CSMD2: variants seen among roughly 807,000 people sequenced by gnomAD.
CSMD2 encodes CUB and Sushi multiple domains 2, also known as CUB and sushi domain-containing protein 2.
In CSMD2, 130 loss-of-function variants were observed where a neutral mutation model predicts 398.5. That is an observed-to-expected ratio of 0.33 (90% CI 0.28 to 0.38). CSMD2 has a LOEUF of 0.38. Among genes scored for constraint, CSMD2 ranks in the 10% least tolerant of loss-of-function variants. The probability of loss-of-function intolerance (pLI) is 1.00; values close to 1 mark genes in which losing one functional copy is unlikely to be tolerated. For missense variants in CSMD2, 3,829 were observed against 4,764.9 expected, an observed-to-expected ratio of 0.80 and a Z score of 5.78; for synonymous variants, 1,828 against 1,908.5, an observed-to-expected ratio of 0.96 and a Z score of 1.10.
At chr1:33,938,216 T>C (rs779627856) in intron 3 of CSMD2, among the ~76,000 whole-genome samples, 2 of 152,250 alleles carry the variant, frequency 1.3e-5, no homozygotes, top group Non-Finnish European at 2.9e-5. Flanking sequence ...GCCCTGTCCA[T>C]TGGCCCAGCT....
chr1:33,977,411 G>A (rs923027041), intron 3 of CSMD2, among the ~76,000 whole-genome samples: 2 of 152,026 alleles, frequency 1.3e-5, no homozygotes, highest in South Asian at 4.2e-4. Flanking sequence ...GTGGGAGCAG[G>A]AGATTCAACC....
intron 3 of CSMD2, among the ~76,000 whole-genome samples, chr1:33,957,954 T>C (rs1202642635): frequency 2.1e-5 from 3 of 140,466 alleles, no homozygotes; most frequent in African/African-American, 5.4e-5. Context: ...TGTGTGTGTG[T>C]GTGCACGCAC....
chr1:33,798,702 G>A (rs1655243708), intron 10 of CSMD2, among the ~76,000 whole-genome samples: 1 of 152,338 alleles, frequency 6.6e-6, no homozygotes, highest in Middle Eastern at 3.4e-3. Context: ...AGAGAGACCA[G>A]TGGAGGCTGA....
intron 4 of CSMD2, 53 bp downstream of exon 4, chr1:33,935,707 C>T (rs1644457765): frequency 1.3e-6 from 2 of 1,517,640 alleles, no homozygotes; most frequent in Admixed American, 4.1e-5. Context: ...GAAGCTCCAG[C>T]ATCACCTCCC....
intron 13 of CSMD2, among the ~76,000 whole-genome samples, chr1:33,766,814 A>G (rs1650563884): frequency 1.3e-5 from 2 of 152,266 alleles, no homozygotes; most frequent in Admixed American, 6.5e-5. Flanking sequence ...AAGTGAAAGT[A>G]GATAAACATG....
At chr1:33,922,592 A>G (rs1005920928) in intron 4 of CSMD2, among the ~76,000 whole-genome samples, 2 of 152,066 alleles carry the variant, frequency 1.3e-5, no homozygotes, top group South Asian at 4.2e-4. Context: ...CTCAAACCCA[A>G]CCCAACCAAA....
In CSMD2 at chr1:33,903,771, C is replaced by CTGA. The variant is rs750458150; in HGVS notation, c.920+14320_920+14322dup. The stretch of plus-strand genomic sequence containing the variant: ...AATGTTTAAAATAAAACAAGATCCT[C>CTGA]TGATAGACAGCAAGGGTTACTTTAG... On this transcript the variant is annotated intron_variant, in intron 5 of 70. Coordinates refer to ENST00000373381, the MANE Select transcript of CSMD2 (RefSeq NM_001281956.2). Among the ~76,000 whole-genome samples, 15 of 152,310 alleles carry CTGA rather than the reference C, an allele frequency of 9.8e-5. No individual in the cohort carries two copies. The South Asian group carries it at 1.0e-3, about 11-fold the overall frequency.
At chr1:33,927,216 A>C (rs563864679) in intron 4 of CSMD2, among the ~76,000 whole-genome samples, 1 of 152,306 alleles carries the variant, frequency 6.6e-6, no homozygotes, top group African/African-American at 2.4e-5. Flanking sequence ...AACTTGCTCA[A>C]CTTCTTCAGT....
intron 46 of CSMD2, 78 bp downstream of exon 46, chr1:33,586,426 A>G: frequency 1.1e-6 from 1 of 914,542 alleles, no homozygotes; most frequent in South Asian, 1.3e-5. Context: ...AGAACTGGGA[A>G]TAGAAAGAGG....
In CSMD2 at chr1:33,771,921, C is replaced by T. The variant is rs12081828; in HGVS notation, c.1846+648G>A. 4.4e-4 allele frequency among the ~76,000 whole-genome samples: 67 copies of T among 152,242 alleles called. 1 individual carries two copies. In the Middle Eastern group the frequency reaches 0.014, roughly 31 times the overall value. On this transcript the variant is annotated intron_variant, in intron 13 of 70. Transcript: ENST00000373381. The stretch of plus-strand genomic sequence containing the variant: ...AGCCCCTCATCCTTGCCAATCCCAA[C>T]GCGACTGAAGATTTAAGATATCATT...
At chr1:33,541,520 G>A (rs901237936) in intron 58 of CSMD2, among the ~76,000 whole-genome samples, 19 of 152,186 alleles carry the variant, frequency 1.2e-4, no homozygotes, top group Admixed American at 2.6e-4. Context: ...AGGCTGGAGT[G>A]CAGAGGCACA....
At chr1:34,011,036 T>G (rs1647270679) in intron 3 of CSMD2, among the ~76,000 whole-genome samples, 1 of 152,136 alleles carries the variant, frequency 6.6e-6, no homozygotes, top group Non-Finnish European at 1.5e-5. Flanking sequence ...TCACCTTAAG[T>G]CTGGCTTGGA....
chr1:34,012,801 A>G (rs1647541277), intron 3 of CSMD2, among the ~76,000 whole-genome samples: 1 of 152,204 alleles, frequency 6.6e-6, no homozygotes, highest in Non-Finnish European at 1.5e-5. Context: ...TGAATAAAAG[A>G]TTATCCTTCA....
upstream of CSMD2, chr1:34,165,841 G>C: frequency 4.4e-6 from 7 of 1,603,216 alleles, no homozygotes; most frequent in Non-Finnish European, 6.0e-6. Context: ...CCCATCCCAG[G>C]AGAGGGGCGT....
At chr1:33,754,737 T>C (rs530927720) in intron 13 of CSMD2, among the ~76,000 whole-genome samples, 1 of 152,228 alleles carries the variant, frequency 6.6e-6, no homozygotes, top group Non-Finnish European at 1.5e-5. Flanking sequence ...AATGGAGTTA[T>C]GCTAAAAATT....
At chr1:33,600,705 C>T in intron 44 of CSMD2, 160 bp downstream of exon 44, 6 of 697,426 alleles carry the variant, frequency 8.6e-6, no homozygotes, top group Non-Finnish European at 1.4e-5. Context: ...CTCACATAGG[C>T]TAATACATTT....
chr1:33,810,626 G>T (rs186815068), intron 10 of CSMD2, 117 bp downstream of exon 10: 10 of 996,096 alleles, frequency 1.0e-5, no homozygotes, highest in Non-Finnish European at 1.2e-5. Context: ...AAAAGTAAAA[G>T]AACTGTCTGC....
intron 55 of CSMD2, 109 bp downstream of exon 55, chr1:33,557,617 GACACACAC>G (rs10579079): frequency 0.051 from 32,189 of 628,572 alleles, 55 homozygotes; most frequent in Middle Eastern, 0.077. Context: ...TACATGTGCA[GACACACAC>G]ACACACACAC....
intron 2 of CSMD2, among the ~76,000 whole-genome samples, chr1:34,053,046 G>C (rs999569878): frequency 3.9e-5 from 6 of 151,944 alleles, no homozygotes; most frequent in African/African-American, 1.5e-4. Context: ...GAAGGAAGAG[G>C]GTCAATGGCG....
Sources: allele counts gnomAD v4.1 joint callset (sites outside exome capture counted in the v4.1 genomes callset), GRCh38; gene constraint gnomAD v4.1.1; transcripts MANE v1.5; gene names NCBI Gene and HGNC (gene_info 2026-07-23, HGNC 2026-07-21).